The following ADAM12 variants were observed in gnomAD, a reference collection of about 807,000 sequenced individuals.
ADAM12 encodes the protein ADAM metallopeptidase domain 12, also known as disintegrin and metalloproteinase domain-containing protein 12.
In ADAM12, 70 loss-of-function variants were observed where a neutral mutation model predicts 106.4. The observed-to-expected ratio is 0.66, with a 90% confidence interval of 0.54 to 0.80. The LOEUF is 0.80. Ranked by LOEUF, ADAM12 falls within the 30% of genes least tolerant of loss-of-function variation. The probability of loss-of-function intolerance (pLI) is 0.00; values close to 1 mark genes in which losing one functional copy is unlikely to be tolerated. For synonymous variants in ADAM12, 420 were observed against 433.5 expected (o/e 0.97, Z 0.39); for missense variants, 1,010 against 1,171.9 (o/e 0.86, Z 2.02).
chr10:126,184,781 T>G (rs547002084), intron 3 of ADAM12, among the ~76,000 whole-genome samples: 32 of 152,260 alleles, frequency 2.1e-4, no homozygotes, highest in African/African-American at 7.2e-4. Flanking sequence ...ATACACAAGA[T>G]CCACCTGAGA....
At chr10:126,106,038 T>C (rs1435964991) in intron 8 of ADAM12, among the ~76,000 whole-genome samples, 4 of 152,164 alleles carry the variant, frequency 2.6e-5, no homozygotes, top group African/African-American at 9.7e-5. Context: ...CAGAGTGCCC[T>C]TCAAACTCCT....
chr10:126,146,118 A>G (rs539058955), intron 4 of ADAM12, among the ~76,000 whole-genome samples: 2 of 152,300 alleles, frequency 1.3e-5, no homozygotes, highest in South Asian at 2.1e-4. Flanking sequence ...AGCTGTGAGG[A>G]AGGGAGGGCC....
intron 3 of ADAM12, among the ~76,000 whole-genome samples, chr10:126,178,227 C>T (rs1243648969): frequency 6.6e-6 from 1 of 152,094 alleles, no homozygotes; most frequent in South Asian, 2.1e-4. Flanking sequence ...AAAAAAATCC[C>T]CATATTGTAG....
intron 21 of ADAM12, among the ~76,000 whole-genome samples, chr10:126,035,300 A>G (rs1033682382): frequency 6.6e-6 from 1 of 152,198 alleles, no homozygotes; most frequent in Non-Finnish European, 1.5e-5. Flanking sequence ...GGGAATAAAG[A>G]GGTCCCAAGA....
intron 2 of ADAM12, among the ~76,000 whole-genome samples, chr10:126,298,186 C>G (rs1409063461): frequency 6.6e-6 from 1 of 151,330 alleles, no homozygotes. Context: ...AATAACCAGG[C>G]ATAAGTGAAC....
At chr10:126,335,320 C>T (rs551282451) in intron 1 of ADAM12, among the ~76,000 whole-genome samples, 1 of 152,218 alleles carries the variant, frequency 6.6e-6, no homozygotes, top group Non-Finnish European at 1.5e-5. Context: ...TCAACACCTA[C>T]ATGAACTTTA....
At chr10:126,348,284 A>G (rs1197656864) in intron 1 of ADAM12, among the ~76,000 whole-genome samples, 5 of 152,204 alleles carry the variant, frequency 3.3e-5, no homozygotes, top group Admixed American at 2.6e-4. Context: ...TTTAAGAGCA[A>G]TCGGAGTTGG....
chr10:126,062,325 A>G (rs1296495194), intron 14 of ADAM12, among the ~76,000 whole-genome samples: 1 of 152,156 alleles, frequency 6.6e-6, no homozygotes, highest in Non-Finnish European at 1.5e-5. Context: ...CCTCCTGGTT[A>G]CCAGGGAGAG....
intron 3 of ADAM12, among the ~76,000 whole-genome samples, chr10:126,218,016 T>C (rs1159506144): frequency 6.6e-6 from 1 of 151,548 alleles, no homozygotes; most frequent in Non-Finnish European, 1.5e-5. Context: ...TAATTGGAAA[T>C]ACAAGAAGCT....
At chr10:126,022,556 C>T (rs1953787735) in intron 21 of ADAM12, among the ~76,000 whole-genome samples, 1 of 152,210 alleles carries the variant, frequency 6.6e-6, no homozygotes, top group South Asian at 2.1e-4. Context: ...ACCCATGATG[C>T]AAGAAGCACC....
In ADAM12 at chr10:126,163,660, G is replaced by A. The variant is rs192182424; in HGVS notation, c.261-8355C>T. 4.0e-3 allele frequency among the ~76,000 whole-genome samples: 614 copies of A among 152,310 alleles called. 4 individuals carry two copies. Among genetic ancestry groups the A allele is most frequent in the Non-Finnish European group, 6.8e-3 (462 of 68,032 alleles). On this transcript the variant is annotated intron_variant, in intron 3 of 22. Transcript: ENST00000448723. ...ATATGTTACACTCCAAAGCATGGGA[G>A]AGCTGAAAGAAACCCCCCGGCCCCA... is the stretch of plus-strand genomic sequence containing the variant.
intron 3 of ADAM12, among the ~76,000 whole-genome samples, chr10:126,226,346 G>A (rs908895556): frequency 2.0e-5 from 3 of 152,312 alleles, no homozygotes; most frequent in East Asian, 3.9e-4. Context: ...GGGCATGGGC[G>A]TGGCTGGTGG....
chr10:126,291,989 T>C (rs200978667), intron 2 of ADAM12, among the ~76,000 whole-genome samples: 2 of 141,172 alleles, frequency 1.4e-5, no homozygotes, highest in South Asian at 2.3e-4. Context: ...TTTTTTTTTT[T>C]CCCGTTGAAA....
intron 3 of ADAM12, among the ~76,000 whole-genome samples, chr10:126,250,732 A>C (rs1419962567): frequency 2.0e-5 from 3 of 152,190 alleles, no homozygotes; most frequent in Non-Finnish European, 4.4e-5. Flanking sequence ...ATCTCTGTCC[A>C]CCTTGCCCAA....
intron 6 of ADAM12, among the ~76,000 whole-genome samples, 178 bp downstream of exon 6, chr10:126,117,860 T>G (rs141672153): frequency 1.1e-3 from 164 of 151,816 alleles, no homozygotes; most frequent in African/African-American, 3.9e-3. Context: ...TGATGGGGAT[T>G]TGGCTTATGG....
intron 14 of ADAM12, among the ~76,000 whole-genome samples, chr10:126,062,753 A>C (rs1954784720): frequency 6.6e-6 from 1 of 152,172 alleles, no homozygotes; most frequent in East Asian, 1.9e-4. Context: ...TCACTCCCAA[A>C]GCTCCAAGTG....
At chr10:126,269,495 C>T (rs1959164826) in intron 3 of ADAM12, among the ~76,000 whole-genome samples, 1 of 152,110 alleles carries the variant, frequency 6.6e-6, no homozygotes, top group Non-Finnish European at 1.5e-5. Context: ...TAGAAAAAAT[C>T]CAGAAGAGAC....
chr10:126,337,211 A>C (rs1390442322), intron 1 of ADAM12, among the ~76,000 whole-genome samples: 1 of 152,240 alleles, frequency 6.6e-6, no homozygotes, highest in African/African-American at 2.4e-5. Context: ...AGGGAAGCCA[A>C]CAGTGCAGCC....
intron 11 of ADAM12, among the ~76,000 whole-genome samples, chr10:126,074,942 T>TG (rs980989884): frequency 1.3e-5 from 2 of 152,162 alleles, no homozygotes; most frequent in Admixed American, 1.3e-4. Flanking sequence ...CAGCAACTCC[T>TG]GACCATGGGT....
Sources: allele counts gnomAD v4.1 joint callset (sites outside exome capture counted in the v4.1 genomes callset), GRCh38; gene constraint gnomAD v4.1.1; transcripts MANE v1.5; gene names NCBI Gene and HGNC (gene_info 2026-07-23, HGNC 2026-07-21).